Variants in PCSK5 observed in about 807,000 individuals in gnomAD.
PCSK5 encodes the protein proprotein convertase subtilisin/kexin type 5, also known as prohormone convertase 5.
In PCSK5, 129 loss-of-function variants were observed where a neutral mutation model predicts 233.2. The observed-to-expected ratio is 0.55, with a 90% confidence interval of 0.48 to 0.64. PCSK5 has a LOEUF of 0.64. Ranked by LOEUF, PCSK5 falls within the 30% of genes least tolerant of loss-of-function variation. The probability of loss-of-function intolerance (pLI) is 0.00; values close to 1 mark genes in which losing one functional copy is unlikely to be tolerated. For synonymous variants in PCSK5, 825 were observed against 879.2 expected (o/e 0.94, Z 1.09); for missense variants, 2,076 against 2,430.1 (o/e 0.85, Z 3.06).
intron 6 of PCSK5, among the ~76,000 whole-genome samples, chr9:76,069,508 A>G (rs1478496027): frequency 1.3e-5 from 2 of 152,142 alleles, no homozygotes; most frequent in Admixed American, 6.5e-5. Context: ...TTCTACAACA[A>G]GAACATTCTG....
Position 76,358,555 on chromosome 9 carries a change from A to G in PCSK5, c.5297A>G (p.Glu1766Gly), listed in dbSNP as rs1453467651. ...LRTSKVRPAT[E>G]HFKTALFITS... is the part of the protein sequence containing the mutation. ...ACAAGCAAGGTTAGGCCTGCAACTGAGCATTTCAAGACAGCTCTGTTCATC... is the reference window on the plus strand; with the variant it reads ...ACAAGCAAGGTTAGGCCTGCAACTGGGCATTTCAAGACAGCTCTGTTCATC... The change falls in exon 38 of 38, where the codon GAG (glutamate) becomes GGG (glycine). Residue 1766 changes from glutamate to glycine, a missense_variant. Around this residue, in one of 6 missense-constraint regions of PCSK5, gnomAD observed 1,510 missense variants for 1,538.1 expected, o/e 0.98. Coordinates refer to ENST00000674117, the MANE Select transcript of PCSK5 (RefSeq NM_001372043.1). 1 of 1,612,776 alleles carries G rather than the reference A, an allele frequency of 6.2e-7. No homozygotes were observed. The highest frequency in any genetic ancestry group is 1.1e-5 in the South Asian group (1 of 91,084).
chr9:76,263,825 G>A (rs1827256304), intron 24 of PCSK5, among the ~76,000 whole-genome samples: 1 of 151,676 alleles, frequency 6.6e-6, no homozygotes, highest in Admixed American at 6.6e-5. Context: ...ACAAACAAAT[G>A]GAAAAATATC....
At chr9:75,950,142 T>G (rs62555919) in intron 2 of PCSK5, among the ~76,000 whole-genome samples, 68,609 of 97,496 alleles carry the variant, frequency 0.7, 21,248 homozygotes, top group African/African-American at 0.76. Context: ...TGTGTGTGTG[T>G]GTGGGGGGGG....
At chr9:76,278,935 A>C (rs1193572943) in intron 24 of PCSK5, among the ~76,000 whole-genome samples, 1 of 151,892 alleles carries the variant, frequency 6.6e-6, no homozygotes, top group Non-Finnish European at 1.5e-5. Context: ...ATTATACTTT[A>C]AGTTTTAGGG....
intron 10 of PCSK5, among the ~76,000 whole-genome samples, chr9:76,154,737 G>T (rs1823815890): frequency 1.3e-5 from 2 of 152,106 alleles, no homozygotes; most frequent in South Asian, 4.1e-4. Flanking sequence ...ATTTCCCCAG[G>T]GTAGGGGAAA....
Position 76,142,524 on chromosome 9 carries a change from G to A in PCSK5, c.1312+8312G>A, listed in dbSNP as rs1194984734. Among the ~76,000 whole-genome samples, 3 of 152,052 alleles carry A rather than the reference G, an allele frequency of 2.0e-5. No individual in the cohort carries two copies. The East Asian group carries it at 5.8e-4, about 29-fold the overall frequency. ...GCTGGGGTGGAGCGAGCAAAGAAAA[G>A]AATGAGGAAAATTGTATCATATAAA... On this transcript the variant is annotated intron_variant, in intron 10 of 37. Coordinates refer to ENST00000674117, the MANE Select transcript of PCSK5 (RefSeq NM_001372043.1).
chr9:76,241,223 C>T (rs1231581337), intron 24 of PCSK5, among the ~76,000 whole-genome samples: 2 of 152,150 alleles, frequency 1.3e-5, no homozygotes, highest in African/African-American at 4.8e-5. Context: ...GGGTGGATCA[C>T]CTGAGGTCAG....
At chr9:76,027,086 G>T (rs1828457757) in intron 5 of PCSK5, 49 bp downstream of exon 5, 1 of 1,203,828 alleles carries the variant, frequency 8.3e-7, no homozygotes, top group African/African-American at 1.5e-5. Context: ...AAGGAGCTTT[G>T]TTTTCTGCTC....
chr9:75,891,597 T>C (rs1259447526), intron 1 of PCSK5, among the ~76,000 whole-genome samples: 1 of 152,056 alleles, frequency 6.6e-6, no homozygotes, highest in African/African-American at 2.4e-5. Context: ...TTTGTTTACT[T>C]GTCTTTTCCA....
intron 6 of PCSK5, among the ~76,000 whole-genome samples, chr9:76,068,736 A>G (rs1456568455): frequency 6.6e-6 from 1 of 152,312 alleles, no homozygotes; most frequent in East Asian, 1.9e-4. Flanking sequence ...CTGGTGCCAC[A>G]GCCACACACA....
At chr9:76,320,630 C>T (rs751073557) in intron 30 of PCSK5, among the ~76,000 whole-genome samples, 1 of 150,668 alleles carries the variant, frequency 6.6e-6, no homozygotes, top group Non-Finnish European at 1.5e-5. Context: ...CAAGCCATCA[C>T]ACCTGGCTAA....
chr9:76,355,258 G>A (rs1308556576), intron 37 of PCSK5, among the ~76,000 whole-genome samples: 1 of 152,262 alleles, frequency 6.6e-6, no homozygotes, highest in East Asian at 1.9e-4. Context: ...GGATCACAAG[G>A]TCAGGAGATC....
intron 8 of PCSK5, among the ~76,000 whole-genome samples, chr9:76,106,325 A>C (rs1831977429): frequency 6.6e-6 from 1 of 152,240 alleles, no homozygotes; most frequent in Admixed American, 6.5e-5. Flanking sequence ...TCCAAGAGGG[A>C]GGATTTAAAA....
At chr9:76,188,392 A>T (rs562344662) in intron 17 of PCSK5, among the ~76,000 whole-genome samples, 186 bp from the exon 18 acceptor site, 1 of 152,286 alleles carries the variant, frequency 6.6e-6, no homozygotes, top group Admixed American at 6.5e-5. Context: ...GTAGGCACAG[A>T]GAAGCATTAT....
In PCSK5 at chr9:76,000,240, C is replaced by T. The variant is rs185056590; in HGVS notation, c.411+13995C>T. Among the ~76,000 whole-genome samples, 952 of 152,236 alleles carry T rather than the reference C, an allele frequency of 6.3e-3. 11 individuals carry two copies. The highest frequency in any genetic ancestry group is 0.02 in the African/African-American group (846 of 41,528). On this transcript the variant is annotated intron_variant, in intron 3 of 37. Transcript: ENST00000674117. ...TGATCTGGATTTTGCTGGCTGCAAT[C>T]TCATGGGGTCATTTTGCAAGTTCTA... is the stretch of plus-strand genomic sequence containing the variant.
intron 1 of PCSK5, among the ~76,000 whole-genome samples, chr9:75,917,202 A>G (rs113000033): frequency 6.6e-6 from 1 of 151,860 alleles, no homozygotes; most frequent in Admixed American, 6.6e-5. Flanking sequence ...TGGGAAAAGC[A>G]TATGAATATA....
chr9:76,066,689 T>C (rs1029837837), intron 5 of PCSK5, among the ~76,000 whole-genome samples: 3 of 152,178 alleles, frequency 2.0e-5, no homozygotes, highest in Admixed American at 6.5e-5. Context: ...TAGAAAAATA[T>C]ACATAATATT....
chr9:76,339,894 T>G (rs1206152562), intron 35 of PCSK5, among the ~76,000 whole-genome samples: 1 of 152,158 alleles, frequency 6.6e-6, no homozygotes, highest in Non-Finnish European at 1.5e-5. Context: ...AGCAGTCCCC[T>G]TAACTTATGT....
At chr9:76,077,691 A>G (rs1373578307) in intron 7 of PCSK5, among the ~76,000 whole-genome samples, 1 of 152,174 alleles carries the variant, frequency 6.6e-6, no homozygotes, top group Non-Finnish European at 1.5e-5. Context: ...TTTGCTTAGG[A>G]TAATAGCCTC....
Sources: gnomAD v4.1 joint callset for allele counts (sites outside exome capture counted in the v4.1 genomes callset) on GRCh38, gnomAD v4.1.1 for gene constraint, gnomAD v4.1.1 regional missense constraint, MANE v1.5 for transcripts, NCBI Gene and HGNC (gene_info 2026-07-23, HGNC 2026-07-21) for gene names.